The following LRRC28 variants were observed in gnomAD, a reference collection of about 807,000 sequenced individuals.
LRRC28 encodes leucine-rich repeat-containing protein 28.
Under a neutral mutation model 45.7 loss-of-function variants are expected in LRRC28, and 39 were observed. That is an observed-to-expected ratio of 0.85 (90% CI 0.66 to 1.12). LRRC28 has a LOEUF of 1.12. Among genes scored for constraint, LRRC28 ranks in the 50% most tolerant of loss-of-function variants. The probability of loss-of-function intolerance (pLI) is 0.00; values close to 1 mark genes in which losing one functional copy is unlikely to be tolerated. For synonymous variants in LRRC28, 206 were observed against 178.8 expected (o/e 1.15, Z -1.22); for missense variants, 435 against 438.5 (o/e 0.99, Z 0.07).
intron 7 of LRRC28, among the ~76,000 whole-genome samples, chr15:99,357,989 A>C (rs1215903985): frequency 6.6e-6 from 1 of 152,184 alleles, no homozygotes; most frequent in Admixed American, 6.5e-5. Context: ...AATAGACATT[A>C]TAAATACTGG....
chr15:99,385,889 A>G (rs1957971266), intron 9 of LRRC28, 141 bp from the exon 10 acceptor site: 1 of 724,686 alleles, frequency 1.4e-6, no homozygotes, highest in Non-Finnish European at 2.5e-6. Flanking sequence ...CAGTTTGAAA[A>G]GGAAATTTAA....
intron 5 of LRRC28, among the ~76,000 whole-genome samples, chr15:99,327,376 C>A (rs1956020273): frequency 6.6e-6 from 1 of 152,130 alleles, no homozygotes; most frequent in African/African-American, 2.4e-5. Context: ...GCTACTAATT[C>A]AGTTTTTTAA....
intron 5 of LRRC28, among the ~76,000 whole-genome samples, chr15:99,321,982 T>C (rs1017283576): frequency 1.3e-5 from 2 of 152,204 alleles, no homozygotes; most frequent in African/African-American, 4.8e-5. Flanking sequence ...GGAAGGCCTT[T>C]GTGAAAATGT....
rs747700282 is a variant in LRRC28, at chr15:99,293,593, C to CCAAAAAAAAAAAAAAAAAAA, written c.385+5642_385+5643insCAAAAAAAAAAAAAAAAAAA. Among the ~76,000 whole-genome samples the CCAAAAAAAAAAAAAAAAAAA allele has an allele frequency of 1.0e-3, 46 of 44,082 alleles. 3 individuals carry two copies. Among genetic ancestry groups the CCAAAAAAAAAAAAAAAAAAA allele is most frequent in the Non-Finnish European group, 1.8e-3 (41 of 22,734 alleles). The allele number at this position is 44,082 out of a possible 152,430, so 28.9% of individuals were successfully genotyped here. ...GGGCAACAAGAACGAAACTCTGTCA[C>CCAAAAAAAAAAAAAAAAAAA]AAAAAAAAAAAAAAAAAAAAAAAAA... On this transcript the variant is annotated intron_variant, in intron 5 of 9. Coordinates refer to ENST00000301981, the MANE Select transcript of LRRC28 (RefSeq NM_144598.5).
chr15:99,341,652 G>A lies in LRRC28; in HGVS notation c.592+7523G>A, dbSNP rs545615253. Among the ~76,000 whole-genome samples, 353 of 152,280 alleles carry A rather than the reference G, an allele frequency of 2.3e-3. 1 individual carries two copies. The highest frequency in any genetic ancestry group is 3.8e-3 in the Non-Finnish European group (259 of 68,022). ...GACATGATTAATGTGAAGAAAGTGA[G>A]CCCTGTTCTCCCAAATATCAATTAA... On this transcript the variant is annotated intron_variant, in intron 6 of 9. Transcript: ENST00000301981.
At position 99,287,859 on chromosome 15, in the gene LRRC28, A is replaced by G; in HGVS notation, c.293A>G (p.Asn98Ser). ...VKLQCLDLSD[N>S]ALEIVCPEIG... Reference sequence around the variant, plus strand: ...CTCCAATGTCTGGATCTTAGTGACAATGCCTTAGAAATTGTTTGCCCAGAA... The same window carrying G: ...CTCCAATGTCTGGATCTTAGTGACAGTGCCTTAGAAATTGTTTGCCCAGAA... Residue 98 changes from asparagine to serine, a missense_variant, in exon 5 of 10, where the codon AAT becomes AGT. Physicochemically the swap from Asn to Ser is conservative, Grantham distance 46 (BLOSUM62 1). Transcript: ENST00000301981. The G allele has an allele frequency of 6.2e-7, 1 of 1,613,698 alleles. No individual in the cohort carries two copies. Among genetic ancestry groups the G allele is most frequent in the Non-Finnish European group, 8.5e-7 (1 of 1,179,786 alleles).
intron 5 of LRRC28, among the ~76,000 whole-genome samples, chr15:99,302,104 G>A (rs1954997140): frequency 6.6e-6 from 1 of 150,632 alleles, no homozygotes; most frequent in African/African-American, 2.5e-5. Flanking sequence ...TCAGCTCACT[G>A]CAAGCTCCAC....
rs74520334 is a variant in LRRC28 at position 99,356,162 on chromosome 15, C to T, written c.695+3691C>T. ...CCCAGGGTCTCTACAATATAACTTT[C>T]ACAATATCTAGGAAACGTTCCAAAA... On this transcript the variant is annotated intron_variant, in intron 7 of 9. Transcript: ENST00000301981. Among the ~76,000 whole-genome samples, 799 of 152,266 alleles carry T rather than the reference C, an allele frequency of 5.2e-3. 8 individuals are homozygous for T. The highest frequency in any genetic ancestry group is 0.019 in the African/African-American group (778 of 41,548).
intron 5 of LRRC28, among the ~76,000 whole-genome samples, chr15:99,319,991 G>C (rs1396961802): frequency 6.6e-6 from 1 of 151,968 alleles, no homozygotes; most frequent in African/African-American, 2.4e-5. Flanking sequence ...CTTTTTAGTA[G>C]AGATGGGGTT....
At chr15:99,267,110 T>A (rs542983276) in intron 2 of LRRC28, among the ~76,000 whole-genome samples, 1 of 152,348 alleles carries the variant, frequency 6.6e-6, no homozygotes, top group East Asian at 1.9e-4. Context: ...ATAGTGCCAC[T>A]AAGTTTTTAT....
chr15:99,359,899 A>T (rs1439234895), intron 7 of LRRC28, among the ~76,000 whole-genome samples: 1 of 152,202 alleles, frequency 6.6e-6, no homozygotes. Context: ...CCATAATGAT[A>T]TTCCATACCT....
intron 3 of LRRC28, among the ~76,000 whole-genome samples, chr15:99,282,177 G>GATTTTTTTTTTTTTT (rs2081814616): frequency 1.0e-5 from 1 of 98,048 alleles, no homozygotes; most frequent in African/African-American, 4.8e-5. Context: ...ATTTTTGGAG[G>GATTTTTTTTTTTTTT]TTTTTTTTTT....
chr15:99,318,797 G>A (rs1955688751), intron 5 of LRRC28, among the ~76,000 whole-genome samples: 1 of 151,922 alleles, frequency 6.6e-6, no homozygotes, highest in Admixed American at 6.6e-5. Context: ...TATTTTAATT[G>A]AGAGATTTTT....
intron 2 of LRRC28, among the ~76,000 whole-genome samples, chr15:99,263,319 A>AC (rs1373285445): frequency 1.0e-5 from 1 of 95,346 alleles, no homozygotes; most frequent in Non-Finnish European, 2.1e-5. Flanking sequence ...ACCCTGTCTC[A>AC]AAAAAAAAAA....
chr15:99,379,047 G>C (rs556097441), intron 9 of LRRC28, among the ~76,000 whole-genome samples: 1 of 151,832 alleles, frequency 6.6e-6, no homozygotes, highest in Non-Finnish European at 1.5e-5. Context: ...GATGATGCTG[G>C]CCTCATAAAA....
At chr15:99,259,679 C>T (rs1489426612) in intron 2 of LRRC28, 5 of 1,387,934 alleles carry the variant, frequency 3.6e-6, no homozygotes, top group African/African-American at 1.4e-5. Flanking sequence ...TGAAATTAAT[C>T]CCAGACATCC....
chr15:99,273,677 C>T lies in LRRC28; in HGVS notation c.169-2899C>T, dbSNP rs916030485. Among the ~76,000 whole-genome samples, 3 of 152,214 alleles carry T rather than the reference C, an allele frequency of 2.0e-5. No individual in the cohort carries two copies. In the East Asian group the frequency reaches 5.8e-4, roughly 29 times the overall value. On this transcript the variant is annotated intron_variant, in intron 2 of 9. Transcript: ENST00000301981. Reference sequence around the variant, plus strand: ...TCTATTGGCAACAGAAGCATTATTTCAGTGCTTAATTGTGTGTAGAGCTAC... The same window carrying T: ...TCTATTGGCAACAGAAGCATTATTTTAGTGCTTAATTGTGTGTAGAGCTAC...
intron 9 of LRRC28, among the ~76,000 whole-genome samples, 170 bp from the exon 10 acceptor site, chr15:99,385,860 T>G (rs1221883809): frequency 6.6e-6 from 1 of 152,212 alleles, no homozygotes; most frequent in Non-Finnish European, 1.5e-5. Flanking sequence ...ATGTACATAC[T>G]TCACCTGATT....
chr15:99,352,682 T>C (rs1450781622), intron 7 of LRRC28, among the ~76,000 whole-genome samples: 1 of 152,216 alleles, frequency 6.6e-6, no homozygotes, highest in African/African-American at 2.4e-5. Flanking sequence ...GTATACCTTT[T>C]TTTATTACAG....
Sources: gnomAD v4.1 joint callset for allele counts (sites outside exome capture counted in the v4.1 genomes callset) on GRCh38, gnomAD v4.1.1 for gene constraint, MANE v1.5 for transcripts, NCBI Gene and HGNC (gene_info 2026-07-23, HGNC 2026-07-21) for gene names.